Variants in CILK1 observed in about 807,000 individuals in gnomAD.
The protein encoded by CILK1 is ciliogenesis associated kinase 1.
In CILK1, 47 loss-of-function variants were observed where a neutral mutation model predicts 79.2. The ratio of observed to expected loss-of-function variants is 0.59; its 90% confidence interval spans 0.47 to 0.76. The LOEUF (loss-of-function observed/expected upper bound fraction) is 0.76. CILK1 is among the 30% of genes least tolerant of loss of function. The pLI, the probability that CILK1 is intolerant of heterozygous loss-of-function variation, is 0.00. For missense variants in CILK1, 660 were observed against 769.5 expected, an observed-to-expected ratio of 0.86 and a Z score of 1.68; for synonymous variants, 266 against 275.9, an observed-to-expected ratio of 0.96 and a Z score of 0.36.
Position 53,002,394 on chromosome 6 carries a change from T to C in CILK1, c.*2755A>G, listed in dbSNP as rs1763983824. ...TGAGGTATAGTCCTGATAGGTACAG[T>C]TACAGGTATATCATTTCTGTTGGTG... On this transcript the variant is annotated 3_prime_UTR_variant, in exon 14 of 14. Coordinates refer to ENST00000676107, the MANE Select transcript of CILK1 (RefSeq NM_014920.5). 6.6e-6 allele frequency: 1 copy of C among 152,196 alleles called. No individual in the cohort carries two copies. Among genetic ancestry groups the C allele is most frequent in the Admixed American group, 6.5e-5 (1 of 15,280 alleles). The allele number at this position is 152,196 out of a possible 1,614,324, so 9.4% of individuals were successfully genotyped here. A position where few individuals can be genotyped will look rare whatever the true frequency, so the allele number is the denominator to read the frequency against.
rs1175371777 is a variant in CILK1 at position 53,013,740 on chromosome 6, T to C, written c.1074A>G (p.Thr358=). 1 of 1,614,180 alleles carries C rather than the reference T, an allele frequency of 6.2e-7. No homozygotes were observed. Residue 358 remains threonine (T), a synonymous_variant, in exon 9 of 14, where the codon ACA becomes ACG. Coordinates refer to ENST00000676107, the MANE Select transcript of CILK1 (RefSeq NM_014920.5). ...TYPYKAEVSR[T]DHPSHLQEDK... Reference sequence around the variant, plus strand: ...CCTCCTGGAGATGGCTTGGGTGATCTGTCCTGGAGACCTCTGCTTTGTAGG... The same window carrying C: ...CCTCCTGGAGATGGCTTGGGTGATCCGTCCTGGAGACCTCTGCTTTGTAGG...
At chr6:53,031,878 G>A (rs1370673968) in intron 4 of CILK1, among the ~76,000 whole-genome samples, 3 of 152,064 alleles carry the variant, frequency 2.0e-5, no homozygotes, top group African/African-American at 7.2e-5. Context: ...TTGTTGACCA[G>A]GCTGGAGTGC....
intron 11 of CILK1, 47 bp downstream of exon 11, chr6:53,011,721 CA>C (rs1233037910): frequency 6.4e-7 from 1 of 1,562,452 alleles, no homozygotes; most frequent in Non-Finnish European, 8.8e-7. Flanking sequence ...ATTCCAAGGA[CA>C]GGGTTTCTTA....
Position 53,004,283 on chromosome 6 carries a change from C to T in CILK1, c.*866G>A, listed in dbSNP as rs537003755. On this transcript the variant is annotated 3_prime_UTR_variant, in exon 14 of 14. Transcript: ENST00000676107. The stretch of plus-strand genomic sequence containing the variant: ...GATACTTAGTTTTTTGGCCATGCAT[C>T]TTGGCAGGAATGTAAGTTTGATTGA... 6.6e-6 allele frequency: 1 copy of T among 152,350 alleles called. No individual in the cohort carries two copies. The highest frequency in any genetic ancestry group is 2.1e-4 in the South Asian group (1 of 4,828). 9.4% of individuals were successfully genotyped at this position (152,350 alleles called of 1,614,324 possible). A position where few individuals can be genotyped will look rare whatever the true frequency, so the allele number is the denominator to read the frequency against.
chr6:53,051,404 C>T (rs1371299996), intron 1 of CILK1, among the ~76,000 whole-genome samples: 1 of 152,142 alleles, frequency 6.6e-6, no homozygotes, highest in Non-Finnish European at 1.5e-5. Flanking sequence ...AAGTCTGAAA[C>T]CAGTATTCCT....
In CILK1 at chr6:53,007,254, A is replaced by G. The variant is rs368943164; in HGVS notation, c.1622-817T>C. 7.2e-5 allele frequency among the ~76,000 whole-genome samples: 11 copies of G among 152,352 alleles called. No homozygotes were observed. In the East Asian group the frequency reaches 1.7e-3, roughly 24 times the overall value. On this transcript the variant is annotated intron_variant, in intron 12 of 13. Transcript: ENST00000676107. ...TGTTTTCACAACACAGAGCTTTTTC[A>G]GCAATTGTTTAAGGCAGAGTGGAAA...
intron 5 of CILK1, among the ~76,000 whole-genome samples, chr6:53,023,917 GA>G (rs905549122): frequency 1.3e-5 from 2 of 152,206 alleles, no homozygotes; most frequent in African/African-American, 2.4e-5. Context: ...AGTAAATACA[GA>G]AGGGGATGAA....
intron 2 of CILK1, among the ~76,000 whole-genome samples, chr6:53,039,703 T>C (rs1223436574): frequency 6.6e-6 from 1 of 152,210 alleles, no homozygotes; most frequent in Non-Finnish European, 1.5e-5. Flanking sequence ...GAGCAAGGGA[T>C]GTGTTCATGG....
At chr6:53,029,686 G>A (rs1482180522) in intron 5 of CILK1, among the ~76,000 whole-genome samples, 2 of 152,150 alleles carry the variant, frequency 1.3e-5, no homozygotes, top group East Asian at 3.9e-4. Flanking sequence ...GAGCCCAGGA[G>A]TCCAAGGCCA....
At chr6:53,047,702 T>C (rs1172527070) in intron 1 of CILK1, among the ~76,000 whole-genome samples, 1 of 151,970 alleles carries the variant, frequency 6.6e-6, no homozygotes, top group African/African-American at 2.4e-5. Context: ...GGAGACTACA[T>C]AGATGTTAGA....
Position 53,032,533 on chromosome 6 carries a change from C to T in CILK1, c.278G>A (p.Arg93Lys). The T allele has an allele frequency of 6.2e-7, 1 of 1,601,916 alleles. No homozygotes were observed. Among genetic ancestry groups the T allele is most frequent in the Non-Finnish European group, 8.5e-7 (1 of 1,172,334 alleles). The part of the protein sequence containing the change: ...KENLYQLIKE[R>K]NKLFPESAIR... Reference sequence around the variant, plus strand: ...TAAGATAATGATGACCAAACTGTACCTCTCTTTAATGAGCTGGTAAAGATT... The same window carrying T: ...TAAGATAATGATGACCAAACTGTACTTCTCTTTAATGAGCTGGTAAAGATT... The change falls in exon 4 of 14, where the codon AGA becomes AAA. Residue 93 changes from arginine (R) to lysine (K), a missense_variant and splice_region_variant. Coordinates refer to ENST00000676107, the MANE Select transcript of CILK1 (RefSeq NM_014920.5).
intron 1 of CILK1, among the ~76,000 whole-genome samples, chr6:53,061,253 T>C (rs1768426598): frequency 6.6e-6 from 1 of 152,094 alleles, no homozygotes; most frequent in South Asian, 2.1e-4. Context: ...TACTCGAGGA[T>C]TTTTGCTCAG....
chr6:53,038,022 C>A (rs1352672987), intron 2 of CILK1, 29 bp from the exon 3 acceptor site: 1 of 1,453,978 alleles, frequency 6.9e-7, no homozygotes, highest in East Asian at 2.3e-5. Flanking sequence ...ACAAACAGCA[C>A]ACTTATTCTC....
At chr6:53,024,504 GGC>G (rs1267594968) in intron 5 of CILK1, among the ~76,000 whole-genome samples, 3 of 152,178 alleles carry the variant, frequency 2.0e-5, no homozygotes, top group Non-Finnish European at 4.4e-5. Context: ...GCTTGCAGAA[GGC>G]CTGATTGTGT....
intron 6 of CILK1, 147 bp from the exon 7 acceptor site, chr6:53,018,648 A>G (rs1765038312): frequency 1.3e-6 from 1 of 782,514 alleles, no homozygotes; most frequent in Non-Finnish European, 2.0e-6. Context: ...GAACTTGGCA[A>G]CTGCCGTGGG....
chr6:53,012,242 G>C lies in CILK1; in HGVS notation c.1153-15C>G, dbSNP rs772086917. ...GCTGTGATTTTCTGTGTAAACAAAC[G>C]GGGTGGGGGAAAGCAATACTTGGCA... On this transcript the variant is annotated splice_polypyrimidine_tract_variant and intron_variant, in intron 9 of 13. Coordinates refer to ENST00000676107, the MANE Select transcript of CILK1 (RefSeq NM_014920.5). The C allele has an allele frequency of 6.2e-7, 1 of 1,613,322 alleles. No individual in the cohort carries two copies. Among genetic ancestry groups the C allele is most frequent in the Admixed American group, 1.7e-5 (1 of 59,994 alleles).
chr6:53,054,224 C>T (rs1264066737), intron 1 of CILK1, among the ~76,000 whole-genome samples: 2 of 152,108 alleles, frequency 1.3e-5, no homozygotes, highest in Non-Finnish European at 1.5e-5. Context: ...CACATATAGA[C>T]CCGAGAATGG....
intron 7 of CILK1, 74 bp from the exon 8 acceptor site, chr6:53,016,324 C>T: frequency 6.7e-7 from 1 of 1,495,540 alleles, no homozygotes; most frequent in African/African-American, 1.4e-5. Context: ...GGCATGTGTG[C>T]CCCAAATGGA....
chr6:53,039,299 G>T (rs1766555188), intron 2 of CILK1, among the ~76,000 whole-genome samples: 2 of 152,226 alleles, frequency 1.3e-5, no homozygotes, highest in African/African-American at 4.8e-5. Context: ...CCTGACGGGA[G>T]CAGTGGCTCA....
Sources: gnomAD v4.1 joint callset for allele counts (sites outside exome capture counted in the v4.1 genomes callset) on GRCh38, gnomAD v4.1.1 for gene constraint, MANE v1.5 for transcripts, NCBI Gene and HGNC (gene_info 2026-07-23, HGNC 2026-07-21) for gene names.